Variants in KIAA1217 observed in about 807,000 individuals in gnomAD.
KIAA1217 encodes the protein KIAA1217.
KIAA1217 carries 88 observed loss-of-function variants against 163.9 expected under a neutral mutation model. The ratio of observed to expected loss-of-function variants is 0.54; its 90% CI spans 0.45 to 0.64. The LOEUF (loss-of-function observed/expected upper bound fraction) is 0.64. Ranked by LOEUF, KIAA1217 falls within the 30% of genes least tolerant of loss-of-function variation. The pLI is 0.00. For missense variants in KIAA1217, 2,372 were observed against 2,475.0 expected (o/e 0.96, Z 0.88); for synonymous variants, 903 against 923.1 (o/e 0.98, Z 0.39).
chr10:23,844,838 C>T (rs1418363670), intron 1 of KIAA1217, among the ~76,000 whole-genome samples: 1 of 151,908 alleles, frequency 6.6e-6, no homozygotes, highest in Non-Finnish European at 1.5e-5. Flanking sequence ...TTGCTGCACC[C>T]ATCAACCCAT....
intron 2 of KIAA1217, among the ~76,000 whole-genome samples, chr10:24,136,267 T>A (rs914206371): frequency 3.9e-5 from 6 of 152,202 alleles, no homozygotes; most frequent in Admixed American, 1.3e-4. Context: ...GAGTAATTGA[T>A]GCTTGCAAAG....
At chr10:23,770,951 C>T (rs907986770) in intron 1 of KIAA1217, among the ~76,000 whole-genome samples, 4 of 152,092 alleles carry the variant, frequency 2.6e-5, no homozygotes, top group African/African-American at 4.8e-5. Context: ...CATAAATTAG[C>T]GTGTTATCAA....
chr10:24,495,279 T>G, intron 8 of KIAA1217, 83 bp downstream of exon 8: 1 of 1,100,572 alleles, frequency 9.1e-7, no homozygotes, highest in Non-Finnish European at 1.3e-6. Context: ...GTTTAACATT[T>G]CCCTAAGTCA....
intron 5 of KIAA1217, among the ~76,000 whole-genome samples, chr10:24,456,818 T>C (rs772705299): frequency 1.3e-4 from 20 of 151,596 alleles, no homozygotes; most frequent in Non-Finnish European, 1.2e-4. Context: ...TTCTCCTGCC[T>C]CAGCCTCCCG....
At chr10:24,106,645 C>T (rs2062641926) in intron 2 of KIAA1217, among the ~76,000 whole-genome samples, 2 of 152,064 alleles carry the variant, frequency 1.3e-5, no homozygotes, top group Admixed American at 6.5e-5. Flanking sequence ...GAATGACGTG[C>T]CAGGAATCAG....
At position 23,698,476 on chromosome 10, in the gene KIAA1217, G is replaced by A. The variant is rs187645957; in HGVS notation, c.-321+3242G>A. 2.6e-5 allele frequency among the ~76,000 whole-genome samples: 4 copies of A among 152,318 alleles called. No homozygotes were observed. In the East Asian group the frequency reaches 7.7e-4, roughly 29 times the overall value. ...CCAGAACTGCACTGTTAGATCAAAT[G>A]ACAATTTGAGTGAGTCTTGAAATTT... On this transcript the variant is annotated intron_variant, in intron 1 of 18. Transcript: ENST00000376462.
chr10:23,886,723 T>G (rs751557647), intron 1 of KIAA1217, among the ~76,000 whole-genome samples: 2 of 152,026 alleles, frequency 1.3e-5, no homozygotes, highest in Non-Finnish European at 2.9e-5. Flanking sequence ...TAGCCTCTTT[T>G]AGACTGGGTG....
At chr10:23,813,015 A>C (rs1256625294) in intron 1 of KIAA1217, among the ~76,000 whole-genome samples, 1 of 152,128 alleles carries the variant, frequency 6.6e-6, no homozygotes, top group Admixed American at 6.5e-5. Flanking sequence ...GGACTGCCTG[A>C]CTGTTTTCCA....
rs190937710 is a variant in KIAA1217 at position 23,799,391 on chromosome 10, A to G, written c.-321+104157A>G. Among the ~76,000 whole-genome samples, 46 of 152,320 alleles carry G rather than the reference A, an allele frequency of 3.0e-4. 1 individual carries two copies. The East Asian group carries it at 8.7e-3, about 29-fold the overall frequency. ...GATCATGTAAGATAATGTTTATGAAAGCACTTCACAAACTGTGAAGTACAA... is the reference window on the plus strand; with the variant it reads ...GATCATGTAAGATAATGTTTATGAAGGCACTTCACAAACTGTGAAGTACAA... On this transcript the variant is annotated intron_variant, in intron 1 of 18. Transcript: ENST00000376462.
At chr10:24,412,112 G>A (rs1184338630) in intron 3 of KIAA1217, among the ~76,000 whole-genome samples, 5 of 151,778 alleles carry the variant, frequency 3.3e-5, no homozygotes, top group African/African-American at 9.7e-5. Context: ...GAAAGATCCC[G>A]TGTGATTTTT....
intron 1 of KIAA1217, among the ~76,000 whole-genome samples, chr10:23,950,495 G>GA (rs142801142): frequency 7.6e-5 from 10 of 131,012 alleles, no homozygotes; most frequent in South Asian, 6.9e-4. Context: ...TACGGGAGGG[G>GA]AAAAAAAAAC....
Position 24,269,872 on chromosome 10 carries a change from C to A in KIAA1217, c.354+49963C>A, listed in dbSNP as rs7920196. ...GTGGCAACACTTCTAAAGATTGGGG[C>A]CCCGTACTATATACAATGCTAAATT... On this transcript the variant is annotated intron_variant, in intron 2 of 20. Transcript: ENST00000376454. Among the ~76,000 whole-genome samples, 1,120 of 152,252 alleles carry A rather than the reference C, an allele frequency of 7.4e-3. 13 individuals carry two copies. Among genetic ancestry groups the A allele is most frequent in the African/African-American group, 0.026 (1,064 of 41,544 alleles).
chr10:23,740,778 TA>T (rs796794628), intron 1 of KIAA1217, among the ~76,000 whole-genome samples: 8,290 of 143,892 alleles, frequency 0.058, 303 homozygotes, highest in African/African-American at 0.1. Flanking sequence ...AGGTTGAGAT[TA>T]AAAAAAAAAA....
chr10:23,830,129 G>T (rs1838107509), intron 1 of KIAA1217, among the ~76,000 whole-genome samples: 1 of 152,120 alleles, frequency 6.6e-6, no homozygotes, highest in Non-Finnish European at 1.5e-5. Context: ...TTCAATAGTT[G>T]CAATCTTCCA....
At position 23,818,012 on chromosome 10, in the gene KIAA1217, C is replaced by CATATATAT. The variant is rs1381043932; in HGVS notation, c.-321+122779_-321+122780insTATATATA. 4.4e-5 allele frequency among the ~76,000 whole-genome samples: 5 copies of CATATATAT among 114,796 alleles called. No homozygotes were observed. In the East Asian group the frequency reaches 1.2e-3, roughly 27 times the overall value. 75.3% of individuals were successfully genotyped at this position (114,796 alleles called of 152,430 possible). A position where few individuals can be genotyped will look rare whatever the true frequency, so the allele number is the denominator to read the frequency against. The stretch of plus-strand genomic sequence containing the variant: ...ATATATATATATATATATATATACA[C>CATATATAT]ACATATATATACACACATATATATA... On this transcript the variant is annotated intron_variant, in intron 1 of 18. Coordinates refer to the KIAA1217 transcript ENST00000376462.
At chr10:24,101,745 A>G (rs2062425347) in intron 2 of KIAA1217, among the ~76,000 whole-genome samples, 2 of 152,154 alleles carry the variant, frequency 1.3e-5, no homozygotes, top group South Asian at 2.1e-4. Flanking sequence ...TAGTATTTTC[A>G]TTTGGAAATT....
intron 1 of KIAA1217, among the ~76,000 whole-genome samples, chr10:23,729,497 G>A (rs950045503): frequency 1.3e-5 from 2 of 152,070 alleles, no homozygotes; most frequent in African/African-American, 4.8e-5. Context: ...TATTTTAATA[G>A]GTATGTACTA....
upstream of KIAA1217, among the ~76,000 whole-genome samples, chr10:24,205,772 C>A (rs1295184182): frequency 2.3e-4 from 32 of 142,128 alleles, no homozygotes; most frequent in East Asian, 4.1e-4. Context: ...GATGCTGTCT[C>A]AAAAAAAAAA....
intron 2 of KIAA1217, among the ~76,000 whole-genome samples, chr10:24,154,923 T>C (rs1252256147): frequency 2.2e-5 from 3 of 138,604 alleles, no homozygotes; most frequent in African/African-American, 8.5e-5. Flanking sequence ...TGAGACTCCA[T>C]GTCAAAAAAA....
Sources: allele counts gnomAD v4.1 joint callset (sites outside exome capture counted in the v4.1 genomes callset), GRCh38; gene constraint gnomAD v4.1.1; transcripts MANE v1.5; gene names NCBI Gene and HGNC (gene_info 2026-07-23, HGNC 2026-07-21).